The following TECPR2 variants were observed in gnomAD, a reference collection of about 807,000 sequenced individuals.
TECPR2 encodes the protein tectonin beta-propeller repeat-containing protein 2.
A neutral mutation model predicts 138.1 loss-of-function variants in TECPR2; 65 were observed. The ratio of observed to expected loss-of-function variants is 0.47; its 90% CI spans 0.39 to 0.58. The LOEUF is 0.58. Among genes scored for constraint, TECPR2 ranks in the 20% least tolerant of loss-of-function variants. The probability of loss-of-function intolerance (pLI) is 0.00; values close to 1 mark genes in which losing one functional copy is unlikely to be tolerated. For missense variants in TECPR2, 1,553 were observed against 1,824.5 expected, an observed-to-expected ratio of 0.85 and a Z score of 2.71; for synonymous variants, 746 against 749.8, an observed-to-expected ratio of 0.99 and a Z score of 0.08.
At chr14:102,461,514 T>G (rs1304696862) in intron 16 of TECPR2, among the ~76,000 whole-genome samples, 2 of 151,926 alleles carry the variant, frequency 1.3e-5, no homozygotes. Flanking sequence ...TAAAGCATTT[T>G]TTTAAAACAA....
At chr14:102,368,899 G>C (rs771693702) in intron 1 of TECPR2, among the ~76,000 whole-genome samples, 1 of 152,132 alleles carries the variant, frequency 6.6e-6, no homozygotes, top group Non-Finnish European at 1.5e-5. Context: ...ATTGTTGTAC[G>C]GGTGAGGGAA....
intron 17 of TECPR2, 74 bp from the exon 18 acceptor site, chr14:102,496,905 A>G (rs1321473078): frequency 3.2e-6 from 5 of 1,573,040 alleles, no homozygotes; most frequent in Admixed American, 1.7e-5. Flanking sequence ...ACATGTCCCC[A>G]GTTCCGGAAG....
At chr14:102,459,091 C>T (rs1890345351) in intron 16 of TECPR2, among the ~76,000 whole-genome samples, 1 of 151,068 alleles carries the variant, frequency 6.6e-6, no homozygotes, top group Admixed American at 6.6e-5. Flanking sequence ...CAGTACGTAC[C>T]CAACAGGATT....
chr14:102,440,095 G>T lies in TECPR2; in HGVS notation c.2579-341G>T, dbSNP rs144170971. Among the ~76,000 whole-genome samples the T allele has an allele frequency of 3.2e-3, 490 of 152,318 alleles. 3 individuals carry two copies. The highest frequency in any genetic ancestry group is 0.011 in the African/African-American group (463 of 41,586). Reference sequence around the variant, plus strand: ...TAATGTCATCAGTGTTTCTCCTCCCGTGTGAGGAGCGCCTGTCATGTGCCC... The same window carrying T: ...TAATGTCATCAGTGTTTCTCCTCCCTTGTGAGGAGCGCCTGTCATGTGCCC... On this transcript the variant is annotated intron_variant, in intron 10 of 19. Coordinates refer to ENST00000359520, the MANE Select transcript of TECPR2 (RefSeq NM_014844.5).
At chr14:102,473,609 G>A (rs977835509) in intron 17 of TECPR2, among the ~76,000 whole-genome samples, 4 of 152,208 alleles carry the variant, frequency 2.6e-5, no homozygotes, top group African/African-American at 9.7e-5. Context: ...ATTTAGTTCT[G>A]TTGTCCTATT....
In TECPR2 at chr14:102,501,883, G is replaced by A. The variant is rs1891443792; in HGVS notation, c.*3626G>A. The A allele has an allele frequency of 1.3e-5, 2 of 152,266 alleles. No individual in the cohort carries two copies. The highest frequency in any genetic ancestry group is 4.1e-4 in the South Asian group (2 of 4,830). 9.4% of individuals were successfully genotyped at this position (152,266 alleles called of 1,614,324 possible). A position where few individuals can be genotyped will look rare whatever the true frequency, so the allele number is the denominator to read the frequency against. On this transcript the variant is annotated 3_prime_UTR_variant, in exon 20 of 20. Transcript: ENST00000359520. Reference sequence around the variant, plus strand: ...AAACCCCCAGCACCCCGGAAGCAGAGGTGAGATGGGAGCAGCTTGGGAGCC... The same window carrying A: ...AAACCCCCAGCACCCCGGAAGCAGAAGTGAGATGGGAGCAGCTTGGGAGCC...
At position 102,420,894 on chromosome 14, in the gene TECPR2, C is replaced by T. The variant is rs943180330; in HGVS notation, c.639-4085C>T. On this transcript the variant is annotated intron_variant, in intron 5 of 19. Transcript: ENST00000359520. This position sits in a 1 kb window ranked among gnomAD's most constrained non-coding sequence, Gnocchi z 4.1. ...CCTTCTCATGCCCACTCAGATGCACCACCTTGATCTGAGCTCTTTGAGCAG... is the reference window on the plus strand; with the variant it reads ...CCTTCTCATGCCCACTCAGATGCACTACCTTGATCTGAGCTCTTTGAGCAG... 5.9e-5 allele frequency among the ~76,000 whole-genome samples: 9 copies of T among 152,180 alleles called. No individual in the cohort carries two copies. The highest frequency in any genetic ancestry group is 1.2e-4 in the Non-Finnish European group (8 of 68,044).
intron 17 of TECPR2, among the ~76,000 whole-genome samples, chr14:102,488,139 C>T (rs1030198714): frequency 1.3e-5 from 2 of 151,986 alleles, no homozygotes; most frequent in Admixed American, 6.6e-5. Context: ...CCACCACGCC[C>T]AGCCTCTTTT....
At chr14:102,407,233 A>G in intron 2 of TECPR2, 105 bp from the exon 3 acceptor site, 1 of 1,400,644 alleles carries the variant, frequency 7.1e-7, no homozygotes. Flanking sequence ...ATATGTATGG[A>G]CTGCAGCCTG....
At chr14:102,375,406 G>T (rs1485006255) in intron 1 of TECPR2, among the ~76,000 whole-genome samples, 2 of 152,074 alleles carry the variant, frequency 1.3e-5, no homozygotes, top group Non-Finnish European at 2.9e-5. Context: ...GACAGAGAGA[G>T]AACTCAGTAG....
chr14:102,393,513 C>T (rs1300874060), intron 2 of TECPR2, among the ~76,000 whole-genome samples: 3 of 152,176 alleles, frequency 2.0e-5, no homozygotes, highest in African/African-American at 7.2e-5. Context: ...CATACAAGCA[C>T]TGCACACCAG....
chr14:102,363,494 T>G (rs1003450521), intron 1 of TECPR2, among the ~76,000 whole-genome samples: 2 of 150,834 alleles, frequency 1.3e-5, no homozygotes, highest in East Asian at 4.0e-4. Flanking sequence ...TCGTGTTCTG[T>G]CCCCCACTCG....
intron 9 of TECPR2, among the ~76,000 whole-genome samples, chr14:102,436,396 G>A (rs1490080177): frequency 3.4e-5 from 5 of 146,146 alleles, no homozygotes; most frequent in African/African-American, 1.0e-4. Context: ...ATGGCTCATT[G>A]CTGCCTCGAC....
intron 2 of TECPR2, among the ~76,000 whole-genome samples, chr14:102,392,772 T>C (rs1381440467): frequency 2.0e-5 from 3 of 152,188 alleles, no homozygotes; most frequent in African/African-American, 7.2e-5. Flanking sequence ...ATGGGGTTTA[T>C]GTTTACCAAT....
intron 6 of TECPR2, 65 bp downstream of exon 6, chr14:102,425,356 G>T (rs940919628): frequency 2.0e-6 from 3 of 1,486,682 alleles, no homozygotes; most frequent in African/African-American, 2.8e-5. Flanking sequence ...TCTATAAACT[G>T]TTCTACTCAG....
In TECPR2 at chr14:102,434,410, T is replaced by C; in HGVS notation, c.1593T>C (p.Asn531=). ...CTCCAGACCAGGAAAGCAGCTTCAA[T>C]GGTGAAGTGAACGGTGTCCCACAGG... The part of the protein sequence containing the change: ...AESPDQESSF[N]GEVNGVPQEN... Residue 531 remains asparagine (N), a synonymous_variant, in exon 9 of 20, where the codon AAT becomes AAC. Transcript: ENST00000359520. 1 of 1,528,932 alleles carries C rather than the reference T, an allele frequency of 6.5e-7. No homozygotes were observed. Among genetic ancestry groups the C allele is most frequent in the Non-Finnish European group, 8.8e-7 (1 of 1,139,358 alleles). 94.7% of individuals were successfully genotyped at this position (1,528,932 alleles called of 1,614,324 possible). A position where few individuals can be genotyped will look rare whatever the true frequency, so the allele number is the denominator to read the frequency against.
intron 16 of TECPR2, among the ~76,000 whole-genome samples, chr14:102,459,250 A>G (rs1890348956): frequency 6.6e-6 from 1 of 152,148 alleles, no homozygotes; most frequent in African/African-American, 2.4e-5. Flanking sequence ...TGTCAGGGAA[A>G]GTCAGTACTG....
chr14:102,390,036 A>G (rs2139673700), intron 2 of TECPR2, among the ~76,000 whole-genome samples: 1 of 152,352 alleles, frequency 6.6e-6, no homozygotes, highest in South Asian at 2.1e-4. Flanking sequence ...AAATATTTCA[A>G]AATATTTCAG....
In TECPR2 at chr14:102,376,871, G is replaced by A. The variant is rs372796531; in HGVS notation, c.150G>A (p.Val50=). Residue 50 remains valine (V), a synonymous_variant, in exon 2 of 20, where the codon GTG becomes GTA. Coordinates refer to ENST00000359520, the MANE Select transcript of TECPR2 (RefSeq NM_014844.5). ...ALDTNGDYIA[V]GSSIGMLYLY... ...ACACCAACGGGGACTACATCGCGGT[G>A]GGCAGCAGCATCGGCATGCTCTATC... 3 of 1,614,036 alleles carry A rather than the reference G, an allele frequency of 1.9e-6. No homozygotes were observed. In the African/African-American group the frequency reaches 4.0e-5, roughly 22 times the overall value.
Sources: allele counts gnomAD v4.1 joint callset (sites outside exome capture counted in the v4.1 genomes callset), GRCh38; gene constraint gnomAD v4.1.1; non-coding constraint Gnocchi (gnomAD v3.1); transcripts MANE v1.5; gene names NCBI Gene and HGNC (gene_info 2026-07-23, HGNC 2026-07-21).